The following FBXL13 variants were observed in gnomAD, a reference collection of about 807,000 sequenced individuals.
The protein encoded by FBXL13 is F-box and leucine-rich repeat protein 13.
Under a neutral mutation model 83.6 loss-of-function variants are expected in FBXL13, and 67 were observed. The ratio of observed to expected loss-of-function variants is 0.80; its 90% CI spans 0.66 to 0.98. The LOEUF (loss-of-function observed/expected upper bound fraction) is 0.98. Ranked by LOEUF, FBXL13 falls within the 50% of genes least tolerant of loss-of-function variation. FBXL13 has a pLI of 0.00. For missense variants in FBXL13, 822 were observed against 866.5 expected, an observed-to-expected ratio of 0.95 and a Z score of 0.64; for synonymous variants, 272 against 299.5, an observed-to-expected ratio of 0.91 and a Z score of 0.95.
chr7:103,031,499 C>T (rs1429190418), intron 2 of FBXL13: 1 of 152,174 alleles, frequency 6.6e-6, no homozygotes, highest in Admixed American at 6.5e-5. Context: ...ATTCTGGTAA[C>T]AACTTTGTGG....
At chr7:102,856,080 TTTTA>T (rs1208954682) in intron 16 of FBXL13, among the ~76,000 whole-genome samples, 2 of 152,224 alleles carry the variant, frequency 1.3e-5, no homozygotes, top group Non-Finnish European at 2.9e-5. Context: ...TGCCATAAGT[TTTTA>T]TTTGTTTCTT....
chr7:102,835,043 A>C (rs1357920648), intron 17 of FBXL13, among the ~76,000 whole-genome samples: 7 of 152,188 alleles, frequency 4.6e-5, no homozygotes, highest in African/African-American at 1.7e-4. Flanking sequence ...AATAATAATA[A>C]AGATGCACAA....
At chr7:103,066,454 C>A (rs1228579274) in intron 1 of FBXL13, among the ~76,000 whole-genome samples, 1 of 151,178 alleles carries the variant, frequency 6.6e-6, no homozygotes, top group Non-Finnish European at 1.5e-5. Context: ...TGTAGCGGTG[C>A]GATCTCGGCT....
At chr7:102,989,915 A>G (rs936378571) in intron 6 of FBXL13, among the ~76,000 whole-genome samples, 1 of 152,202 alleles carries the variant, frequency 6.6e-6, no homozygotes, top group African/African-American at 2.4e-5. Context: ...TACTTTTCAG[A>G]TACTTCTAGG....
intron 8 of FBXL13, among the ~76,000 whole-genome samples, chr7:102,946,197 T>C (rs1420007085): frequency 6.6e-6 from 1 of 152,192 alleles, no homozygotes; most frequent in African/African-American, 2.4e-5. Context: ...TTAAAGCACA[T>C]GCTACATGCC....
rs773706399 is a variant in FBXL13, at chr7:102,867,823, C to T, written c.1635+9644G>A. Among the ~76,000 whole-genome samples, 7 of 150,324 alleles carry T rather than the reference C, an allele frequency of 4.7e-5. No individual in the cohort carries two copies. In the South Asian group the frequency reaches 6.3e-4, roughly 14 times the overall value. On this transcript the variant is annotated intron_variant, in intron 16 of 19. Coordinates refer to ENST00000313221, the Ensembl canonical transcript of FBXL13. ...GTTCATGCCATTCTCCTGCCTCAGC[C>T]TCCTGTAGCTGGGACTACAGGTGCC...
intron 16 of FBXL13, among the ~76,000 whole-genome samples, chr7:102,861,225 A>T (rs1249077754): frequency 6.6e-6 from 1 of 152,132 alleles, no homozygotes; most frequent in Non-Finnish European, 1.5e-5. Flanking sequence ...CAAAGTCAAC[A>T]TTCAAATTTT....
At chr7:102,957,241 A>T (rs577903357) in intron 8 of FBXL13, among the ~76,000 whole-genome samples, 10 of 152,224 alleles carry the variant, frequency 6.6e-5, no homozygotes, top group Admixed American at 3.9e-4. Flanking sequence ...CATATCTACA[A>T]CCATCTGATC....
At position 103,035,357 on chromosome 7, in the gene FBXL13, C is replaced by T. The variant is rs549957785; in HGVS notation, c.1-5939G>A. Among the ~76,000 whole-genome samples the T allele has an allele frequency of 9.5e-4, 144 of 152,254 alleles. 1 individual carries two copies. Among genetic ancestry groups the T allele is most frequent in the Admixed American group, 2.9e-3 (44 of 15,302 alleles). ...TAGAACTTGAAGAGGAAACTGACCT[C>T]TTGTGTTATGAAGACAGGAGCTAGA... is the stretch of plus-strand genomic sequence containing the variant. On this transcript the variant is annotated intron_variant, in intron 2 of 19. Transcript: ENST00000313221.
rs771551175 is a variant in FBXL13, at chr7:103,014,599, T to C, written c.495+10464A>G. On this transcript the variant is annotated intron_variant, in intron 6 of 19. Transcript: ENST00000313221. ...GAAAACTTCAGGCCAATATCCTTGATGAATATGGATGCAAAAATCCTCAAG... is the reference window on the plus strand; with the variant it reads ...GAAAACTTCAGGCCAATATCCTTGACGAATATGGATGCAAAAATCCTCAAG... Among the ~76,000 whole-genome samples the C allele has an allele frequency of 1.4e-4, 22 of 152,114 alleles. 1 individual carries two copies. Among genetic ancestry groups the C allele is most frequent in the African/African-American group, 5.1e-4 (21 of 41,514 alleles).
rs1446215182 is a variant in FBXL13 at position 103,027,496 on chromosome 7, AT to A, written c.279del (p.Lys93AsnfsTer17). 3 of 1,613,220 alleles carry A rather than the reference AT, an allele frequency of 1.9e-6. No individual in the cohort carries two copies. Among genetic ancestry groups the A allele is most frequent in the Non-Finnish European group, 2.5e-6 (3 of 1,179,678 alleles). On this transcript the variant is annotated frameshift_variant, in exon 5 of 20. Coordinates refer to ENST00000313221, the Ensembl canonical transcript of FBXL13. LOFTEE classifies it high-confidence loss of function. ...CTCTTATGTCTTGCTGTATTCCGCC[AT>A]TTTGTTAGGATAATGGTTAGCTTGT...
At chr7:103,035,524 T>C (rs1452038079) in intron 2 of FBXL13, among the ~76,000 whole-genome samples, 6 of 152,234 alleles carry the variant, frequency 3.9e-5, no homozygotes, top group Non-Finnish European at 8.8e-5. Context: ...ACCAAATTTA[T>C]GGCTCTTTAA....
rs1308670595 is a variant in FBXL13, at chr7:102,852,265, CA to C, written c.1719+2511del. Among the ~76,000 whole-genome samples the C allele has an allele frequency of 7.2e-5, 11 of 152,246 alleles. No individual in the cohort carries two copies. In the East Asian group the frequency reaches 2.1e-3, roughly 29 times the overall value. On this transcript the variant is annotated intron_variant, in intron 17 of 19. Coordinates refer to ENST00000313221, the Ensembl canonical transcript of FBXL13. The stretch of plus-strand genomic sequence containing the variant: ...GAGGTGAACTTGGTTCAACTAAGAT[CA>C]CATATGTGTTGTTACATTTCCAATC...
intron 11 of FBXL13, among the ~76,000 whole-genome samples, chr7:102,892,157 T>G (rs1451511147): frequency 1.3e-5 from 2 of 152,158 alleles, no homozygotes; most frequent in East Asian, 3.8e-4. Flanking sequence ...TTTCAAACCC[T>G]TTTTTCAGGA....
intron 2 of FBXL13, among the ~76,000 whole-genome samples, chr7:103,049,224 T>C (rs1796576805): frequency 6.6e-6 from 1 of 152,168 alleles, no homozygotes; most frequent in Non-Finnish European, 1.5e-5. Flanking sequence ...CCAGGACTTA[T>C]TTAGAATGTA....
intron 15 of FBXL13, among the ~76,000 whole-genome samples, chr7:102,877,906 A>C (rs1483739185): frequency 6.6e-6 from 1 of 152,170 alleles, no homozygotes; most frequent in Non-Finnish European, 1.5e-5. Context: ...GTGCAAGTTA[A>C]GAACCCTACT....
rs1402739615 is a variant in FBXL13, at chr7:103,035,931, A to G, written c.1-6513T>C. ...TATCATTCTAGAATAGGGGTCTCCA[A>G]CCCCCAGGCCACAGACTGGTACAGG... On this transcript the variant is annotated intron_variant, in intron 2 of 19. Transcript: ENST00000313221. Among the ~76,000 whole-genome samples, 4 of 152,190 alleles carry G rather than the reference A, an allele frequency of 2.6e-5. No homozygotes were observed. The East Asian group carries it at 5.8e-4, about 22-fold the overall frequency.
At chr7:102,956,564 T>C (rs1006259644) in intron 8 of FBXL13, among the ~76,000 whole-genome samples, 4 of 152,010 alleles carry the variant, frequency 2.6e-5, no homozygotes, top group African/African-American at 9.7e-5. Flanking sequence ...AAATAAAGGG[T>C]ATTCAGTTAG....
intron 11 of FBXL13, among the ~76,000 whole-genome samples, chr7:102,885,251 CTA>C (rs1810641146): frequency 6.6e-6 from 1 of 152,190 alleles, no homozygotes; most frequent in African/African-American, 2.4e-5. Context: ...CACCAGAAAT[CTA>C]TAAGTGTTCC....
Sources: allele counts gnomAD v4.1 joint callset (sites outside exome capture counted in the v4.1 genomes callset), GRCh38; gene constraint gnomAD v4.1.1; transcripts MANE v1.5; gene names NCBI Gene and HGNC (gene_info 2026-07-23, HGNC 2026-07-21).